Variants in CCDC91 observed in about 807,000 individuals in gnomAD.
CCDC91 encodes the protein coiled-coil domain-containing protein 91.
Under a neutral mutation model 63.2 loss-of-function variants are expected in CCDC91, and 48 were observed. The ratio of observed to expected loss-of-function variants is 0.76; its 90% CI spans 0.60 to 0.97. The LOEUF (loss-of-function observed/expected upper bound fraction) is 0.97, where lower values mean the gene tolerates loss of function less well. Among genes scored for constraint, CCDC91 ranks in the 50% least tolerant of loss-of-function variants. The probability of loss-of-function intolerance (pLI) is 0.00; values close to 1 mark genes in which losing one functional copy is unlikely to be tolerated. For missense variants in CCDC91, 500 were observed against 494.6 expected, an observed-to-expected ratio of 1.01 and a Z score of -0.10; for synonymous variants, 167 against 165.8, an observed-to-expected ratio of 1.01 and a Z score of -0.06.
At chr12:28,405,310 G>GT (rs1446588950) in intron 8 of CCDC91, among the ~76,000 whole-genome samples, 4 of 151,926 alleles carry the variant, frequency 2.6e-5, no homozygotes, top group South Asian at 2.1e-4. Flanking sequence ...AGTATTCCAA[G>GT]TTTTTTTATC....
chr12:28,282,517 G>A (rs565799746), intron 3 of CCDC91, among the ~76,000 whole-genome samples: 1 of 152,124 alleles, frequency 6.6e-6, no homozygotes, highest in African/African-American at 2.4e-5. Flanking sequence ...TGGTTGATAG[G>A]CACTTAGATT....
rs762081330 is a variant in CCDC91, at chr12:28,305,712, C to G, written c.173C>G (p.Ser58Cys). ...GTACTGGACCGTGACCACTCTTCTT[C>G]CATTGGCTGCCTCTCTTCTGATGCC... ...EIVLDRDHSS[S>C]IGCLSSDAII... Residue 58 changes from serine to cysteine, a missense_variant, in exon 4 of 13, where the codon TCC becomes TGC. Physicochemically the swap from Ser to Cys is moderately radical, Grantham distance 112. Transcript: ENST00000536442. The G allele has an allele frequency of 8.1e-6, 13 of 1,613,224 alleles. No homozygotes were observed. In the South Asian group the frequency reaches 1.4e-4, roughly 18 times the overall value.
rs550444310 is a variant in CCDC91, at chr12:28,320,904, A to G, written c.576+13155A>G. Among the ~76,000 whole-genome samples the G allele has an allele frequency of 7.2e-5, 11 of 151,976 alleles. No individual in the cohort carries two copies. The East Asian group carries it at 1.4e-3, about 19-fold the overall frequency. On this transcript the variant is annotated intron_variant, in intron 6 of 12. Transcript: ENST00000536442. Reference sequence around the variant, plus strand: ...AGTGATTTAAGCGATATTGCTATATATTGGTAAGAGTTGAAGAGCTGTACT... The same window carrying G: ...AGTGATTTAAGCGATATTGCTATATGTTGGTAAGAGTTGAAGAGCTGTACT...
intron 1 of CCDC91, chr12:28,236,280 A>G (rs1237449720): frequency 1.3e-5 from 2 of 152,030 alleles, no homozygotes; most frequent in African/African-American, 4.8e-5. Flanking sequence ...TTGTATAAAT[A>G]TTATGTATTA....
intron 1 of CCDC91, among the ~76,000 whole-genome samples, chr12:28,232,711 CT>C (rs1293616597): frequency 6.6e-6 from 1 of 152,050 alleles, no homozygotes; most frequent in East Asian, 1.9e-4. Flanking sequence ...ATCTTTAAAA[CT>C]GTTATGACTG....
intron 1 of CCDC91, among the ~76,000 whole-genome samples, chr12:28,233,966 A>G (rs187297964): frequency 6.6e-6 from 1 of 152,286 alleles, no homozygotes; most frequent in East Asian, 1.9e-4. Flanking sequence ...TAAAGTGTAC[A>G]GTTCAGTGGC....
intron 7 of CCDC91, among the ~76,000 whole-genome samples, chr12:28,379,532 A>G (rs1472844056): frequency 2.0e-5 from 3 of 152,232 alleles, no homozygotes; most frequent in African/African-American, 4.8e-5. Flanking sequence ...GAAGACATCT[A>G]TGCAGCCAAC....
rs112846782 is a variant in CCDC91, at chr12:28,234,758, GTTTTTT to G, written c.-14-22435_-14-22430del. The stretch of plus-strand genomic sequence containing the variant: ...TGGATAGTAAGTTGATAATTTGAAA[GTTTTTT>G]TTTTTTTTAAAGTTTCAGTATCTTA... On this transcript the variant is annotated intron_variant, in intron 1 of 12. Coordinates refer to ENST00000536442, the MANE Select transcript of CCDC91 (RefSeq NM_018318.5). Among the ~76,000 whole-genome samples the G allele has an allele frequency of 9.0e-3, 1,284 of 143,114 alleles. 23 individuals are homozygous for G. The highest frequency in any genetic ancestry group is 0.029 in the African/African-American group (1,155 of 39,210). The allele number at this position is 143,114 out of a possible 152,430, so 93.9% of individuals were successfully genotyped here.
chr12:28,320,482 T>A (rs1940379340), intron 6 of CCDC91, among the ~76,000 whole-genome samples: 1 of 151,908 alleles, frequency 6.6e-6, no homozygotes, highest in Admixed American at 6.6e-5. Flanking sequence ...GAAGCAAACC[T>A]GTTATTTTTG....
chr12:28,473,593 G>A (rs1452458211), intron 11 of CCDC91, among the ~76,000 whole-genome samples: 5 of 151,926 alleles, frequency 3.3e-5, no homozygotes, highest in Non-Finnish European at 7.4e-5. Context: ...TTTTTGAAAA[G>A]TTTCCTACCT....
chr12:28,502,992 C>T (rs991711897), intron 12 of CCDC91, among the ~76,000 whole-genome samples: 1 of 151,846 alleles, frequency 6.6e-6, no homozygotes, highest in Non-Finnish European at 1.5e-5. Context: ...AGAAGAAAAC[C>T]TAGGCAATAC....
At chr12:28,538,027 C>T (rs1044117876) in intron 12 of CCDC91, among the ~76,000 whole-genome samples, 2 of 151,106 alleles carry the variant, frequency 1.3e-5, no homozygotes, top group African/African-American at 4.9e-5. Context: ...CTTATATATT[C>T]TTTTTGATAG....
At chr12:28,441,756 A>G (rs1035833204) in intron 8 of CCDC91, among the ~76,000 whole-genome samples, 2 of 150,404 alleles carry the variant, frequency 1.3e-5, no homozygotes, top group African/African-American at 4.9e-5. Context: ...TCTCATATAT[A>G]TATGTATATG....
intron 12 of CCDC91, among the ~76,000 whole-genome samples, chr12:28,485,464 C>G (rs141722296): frequency 1.4e-4 from 21 of 152,172 alleles, no homozygotes; most frequent in African/African-American, 4.6e-4. Context: ...CCGTGCCCAG[C>G]CATCCAGTGC....
chr12:28,373,585 C>T (rs561366219), intron 7 of CCDC91, among the ~76,000 whole-genome samples: 1 of 150,606 alleles, frequency 6.6e-6, no homozygotes, highest in Non-Finnish European at 1.5e-5. Flanking sequence ...CTCCTCGTAA[C>T]TGACATCTAT....
chr12:28,393,229 TG>T (rs1488213765), intron 8 of CCDC91, among the ~76,000 whole-genome samples: 1 of 152,272 alleles, frequency 6.6e-6, no homozygotes, highest in Non-Finnish European at 1.5e-5. Context: ...TACAAAATAT[TG>T]GGAGCCCAGG....
chr12:28,193,882 C>G (rs1326023035), intron 1 of CCDC91, among the ~76,000 whole-genome samples: 1 of 152,028 alleles, frequency 6.6e-6, no homozygotes. Context: ...ATCGTTTGTT[C>G]GTTTTTAATA....
intron 8 of CCDC91, chr12:28,412,885 C>T (rs978469128): frequency 1.9e-5 from 8 of 425,438 alleles, no homozygotes; most frequent in East Asian, 7.7e-5. Context: ...ACTCCCTACT[C>T]GACCCAGGAA....
At chr12:28,289,321 G>C (rs548566236) in intron 3 of CCDC91, among the ~76,000 whole-genome samples, 2 of 152,180 alleles carry the variant, frequency 1.3e-5, no homozygotes, top group Admixed American at 6.5e-5. Context: ...GACATTTAGT[G>C]CTATAAATTT....
Sources: allele counts gnomAD v4.1 joint callset (sites outside exome capture counted in the v4.1 genomes callset), GRCh38; gene constraint gnomAD v4.1.1; transcripts MANE v1.5; gene names NCBI Gene and HGNC (gene_info 2026-07-23, HGNC 2026-07-21).